Variants in CADM2 observed in about 807,000 individuals in gnomAD.
CADM2 encodes immunoglobulin superfamily member 4D.
In CADM2, 12 loss-of-function variants were observed where a neutral mutation model predicts 49.8. The ratio of observed to expected loss-of-function variants is 0.24; its 90% CI spans 0.15 to 0.39. CADM2 has a LOEUF of 0.39. CADM2 is among the 10% of genes least tolerant of loss of function. The probability of loss-of-function intolerance (pLI) is 1.00; values close to 1 mark genes in which losing one functional copy is unlikely to be tolerated. For synonymous variants in CADM2, 214 were observed against 175.4 expected (o/e 1.22, Z -1.74); for missense variants, 378 against 492.3 (o/e 0.77, Z 2.20).
intron 1 of CADM2, among the ~76,000 whole-genome samples, chr3:85,370,031 T>A (rs1444184803): frequency 6.6e-6 from 1 of 151,534 alleles, no homozygotes; most frequent in East Asian, 1.9e-4. Context: ...AAAAGGAATG[T>A]CAAAAACCCC....
chr3:85,747,964 A>T (rs994098427), intron 2 of CADM2, among the ~76,000 whole-genome samples: 1 of 152,126 alleles, frequency 6.6e-6, no homozygotes, highest in Non-Finnish European at 1.5e-5. Flanking sequence ...AAACTTTTTG[A>T]TATAAAGGAG....
intron 1 of CADM2, among the ~76,000 whole-genome samples, chr3:85,293,761 A>G (rs1421957855): frequency 3.3e-5 from 5 of 149,302 alleles, no homozygotes; most frequent in Non-Finnish European, 7.4e-5. Flanking sequence ...AAAACTCTCA[A>G]TAAATTAGGT....
intron 1 of CADM2, among the ~76,000 whole-genome samples, chr3:85,378,203 A>G (rs1182507947): frequency 1.3e-5 from 2 of 152,034 alleles, no homozygotes; most frequent in Non-Finnish European, 2.9e-5. Context: ...GCTTTTTAAT[A>G]TGAAGTATAA....
At chr3:85,552,833 C>T (rs554489394) in intron 1 of CADM2, among the ~76,000 whole-genome samples, 19 of 151,896 alleles carry the variant, frequency 1.3e-4, no homozygotes, top group Admixed American at 3.3e-4. Flanking sequence ...TGTGCCACCA[C>T]GCCCAGCAAA....
intron 1 of CADM2, among the ~76,000 whole-genome samples, chr3:85,708,606 T>C (rs769198558): frequency 2.6e-5 from 4 of 152,178 alleles, no homozygotes; most frequent in Non-Finnish European, 4.4e-5. Flanking sequence ...TAACATAATA[T>C]ACCAATCTAC....
chr3:85,556,845 T>C (rs1295159294), intron 1 of CADM2, among the ~76,000 whole-genome samples: 1 of 152,118 alleles, frequency 6.6e-6, no homozygotes, highest in Non-Finnish European at 1.5e-5. Context: ...ACTTAGAAAA[T>C]AATTCACAGT....
At chr3:85,188,808 G>T (rs938441151) in intron 1 of CADM2, among the ~76,000 whole-genome samples, 3 of 151,876 alleles carry the variant, frequency 2.0e-5, no homozygotes, top group African/African-American at 7.3e-5. Context: ...GAGGTGGGCG[G>T]ATCACGAGGT....
intron 1 of CADM2, among the ~76,000 whole-genome samples, chr3:85,176,887 T>C (rs2040800072): frequency 6.6e-6 from 1 of 152,166 alleles, no homozygotes; most frequent in Admixed American, 6.5e-5. Flanking sequence ...TTAACAGCTA[T>C]CTTTGATGTT....
chr3:85,063,811 G>A (rs1012160567), intron 1 of CADM2, among the ~76,000 whole-genome samples: 1 of 151,876 alleles, frequency 6.6e-6, no homozygotes, highest in Non-Finnish European at 1.5e-5. Context: ...TAAATACTGG[G>A]GGTATATTAA....
chr3:85,219,314 C>T (rs2041996624), intron 1 of CADM2, among the ~76,000 whole-genome samples: 1 of 152,058 alleles, frequency 6.6e-6, no homozygotes. Flanking sequence ...TTGAGAGACT[C>T]AGCCATTAGT....
At chr3:85,870,089 G>A (rs774559940) in intron 3 of CADM2, among the ~76,000 whole-genome samples, 5 of 152,046 alleles carry the variant, frequency 3.3e-5, no homozygotes, top group Non-Finnish European at 7.4e-5. Context: ...AAGATCTCCT[G>A]GGCTCATTAG....
At chr3:85,929,965 A>G (rs73843514) in intron 6 of CADM2, among the ~76,000 whole-genome samples, 2,438 of 152,162 alleles carry the variant, frequency 0.016, 64 homozygotes, top group African/African-American at 0.056. Context: ...ATTAAAAACA[A>G]TTATTCGAGA....
intron 2 of CADM2, among the ~76,000 whole-genome samples, chr3:85,751,038 A>G (rs1175355552): frequency 7.9e-5 from 12 of 152,120 alleles, no homozygotes; most frequent in South Asian, 2.1e-4. Flanking sequence ...TTGAAAAGTA[A>G]TTACCCAGAA....
chr3:85,189,426 T>C (rs913390085), intron 1 of CADM2, among the ~76,000 whole-genome samples: 4 of 152,164 alleles, frequency 2.6e-5, no homozygotes, highest in Non-Finnish European at 5.9e-5. Context: ...GAGGCAATTA[T>C]GTAGGTAACT....
chr3:85,424,906 C>A (rs1303403913), intron 1 of CADM2, among the ~76,000 whole-genome samples: 3 of 151,888 alleles, frequency 2.0e-5, no homozygotes, highest in African/African-American at 7.3e-5. Flanking sequence ...ATATACTAGC[C>A]TTGATATAAT....
chr3:85,338,161 T>C (rs1576373334), intron 1 of CADM2, among the ~76,000 whole-genome samples: 1 of 151,584 alleles, frequency 6.6e-6, no homozygotes, highest in African/African-American at 2.4e-5. Context: ...GCATAGAAGA[T>C]GTGTGTGCCT....
At chr3:85,432,235 G>C (rs976500955) in intron 1 of CADM2, among the ~76,000 whole-genome samples, 4 of 151,794 alleles carry the variant, frequency 2.6e-5, no homozygotes, top group Admixed American at 6.6e-5. Context: ...AGTCCATTCA[G>C]CCTGTGACAA....
chr3:86,072,415 AC>A lies in CADM2; in HGVS notation c.*5633del, dbSNP rs1287299471. ...AAAAGATATAAAAAAAACAAAAAAA[AC>A]AAAAAAAAAACACTATTTTCCCCTA... On this transcript the variant is annotated 3_prime_UTR_variant, in exon 10 of 10. Coordinates refer to ENST00000383699, the MANE Select transcript of CADM2 (RefSeq NM_001167675.2). The A allele has an allele frequency of 2.6e-5, 4 of 151,406 alleles. No homozygotes were observed. Among genetic ancestry groups the A allele is most frequent in the South Asian group, 4.2e-4 (2 of 4,818 alleles). The allele number at this position is 151,406 out of a possible 1,614,324, so 9.4% of individuals were successfully genotyped here.
intron 2 of CADM2, among the ~76,000 whole-genome samples, chr3:85,765,202 T>C (rs1240413842): frequency 1.3e-5 from 2 of 152,116 alleles, no homozygotes; most frequent in African/African-American, 4.8e-5. Flanking sequence ...ATTATTCTGA[T>C]GTCCTCTGGC....
Sources: allele counts gnomAD v4.1 joint callset (sites outside exome capture counted in the v4.1 genomes callset), GRCh38; gene constraint gnomAD v4.1.1; transcripts MANE v1.5; gene names NCBI Gene and HGNC (gene_info 2026-07-23, HGNC 2026-07-21).